The following MALAT1 variants were observed in gnomAD, a reference collection of about 807,000 sequenced individuals.
MALAT1 encodes the protein hepcarcin.
intron 3 of MALAT1, chr11:65,505,049 A>G (rs1371976476): frequency 5.8e-6 from 3 of 518,946 alleles, no homozygotes; most frequent in South Asian, 4.2e-5. Context: ...ATTTACATAC[A>G]AAGTCAGATC....
exon 3 of MALAT1, chr11:65,502,237 C>G (rs773310043): frequency 5.8e-6 from 3 of 518,668 alleles, no homozygotes; most frequent in Non-Finnish European, 1.2e-5. Context: ...ATGGGAAATG[C>G]AAAAGTTGTT....
intron 3 of MALAT1, chr11:65,504,706 C>G (rs529034539): frequency 3.9e-6 from 2 of 518,944 alleles, no homozygotes; most frequent in Non-Finnish European, 7.7e-6. Flanking sequence ...AAGCAACAGT[C>G]TTCAAGAAAT....
chr11:65,499,080 AGG>A (rs770831740), exon 3 of MALAT1: 5 of 518,186 alleles, frequency 9.6e-6, no homozygotes, highest in East Asian at 5.4e-5. Context: ...GCTTCTGCTG[AGG>A]GGGCAGGCGG....
intron 3 of MALAT1, chr11:65,504,815 T>C (rs777069883): frequency 1.9e-6 from 1 of 518,996 alleles, no homozygotes; most frequent in South Asian, 1.4e-5. Context: ...AATTCTTACA[T>C]GCAGGAACAC....
chr11:65,500,751 A>G (rs1565051888), exon 3 of MALAT1: 1 of 519,008 alleles, frequency 1.9e-6, no homozygotes, highest in Non-Finnish European at 3.8e-6. Flanking sequence ...GCCACAGGGA[A>G]AGCGAGTGGT....
exon 3 of MALAT1, chr11:65,500,739 A>G (rs1226938721): frequency 1.2e-5 from 6 of 519,042 alleles, no homozygotes; most frequent in African/African-American, 5.8e-5. Flanking sequence ...CAGTGTGCCA[A>G]GGCCACAGGG....
chr11:65,501,445 CTCT>C, exon 3 of MALAT1: 1 of 514,804 alleles, frequency 1.9e-6, no homozygotes, highest in Non-Finnish European at 3.9e-6. Context: ...CTGGTAGTTA[CTCT>C]TTTTTCCCCC....
intron 1 of MALAT1, chr11:65,498,621 G>A (rs751505532): frequency 5.8e-6 from 3 of 518,692 alleles, no homozygotes; most frequent in South Asian, 1.4e-5. Flanking sequence ...CAAGGCTGGG[G>A]CTCAGTTGCG....
intron 3 of MALAT1, chr11:65,503,924 A>C (rs1854612884): frequency 5.8e-6 from 3 of 516,830 alleles, no homozygotes; most frequent in Admixed American, 2.0e-5. Flanking sequence ...TTATGATCAG[A>C]GTAAAAGGTA....
At chr11:65,499,789 A>G (rs1263482050) in exon 3 of MALAT1, 5 of 422,916 alleles carry the variant, frequency 1.2e-5, no homozygotes, top group African/African-American at 2.1e-5. Flanking sequence ...AGCAGAAGAA[A>G]AAAGACAAGC....
chr11:65,498,512 CA>C (rs550822621), intron 1 of MALAT1: 7 of 515,736 alleles, frequency 1.4e-5, no homozygotes, highest in South Asian at 8.4e-5. Context: ...ATTTCTCGAA[CA>C]AAAAAGCAAA....
chr11:65,504,778 G>T, intron 3 of MALAT1: 1 of 518,872 alleles, frequency 1.9e-6, no homozygotes, highest in South Asian at 1.4e-5. Context: ...TTTATGTGTG[G>T]GTTTCTCTCT....
At chr11:65,500,343 G>T (rs199502340) in exon 3 of MALAT1, 2 of 518,658 alleles carry the variant, frequency 3.9e-6, no homozygotes, top group Non-Finnish European at 7.7e-6. Flanking sequence ...ATTGGACTTT[G>T]AGTTAAGATT....
intron 3 of MALAT1, chr11:65,505,960 A>G (rs1235581714): frequency 2.2e-6 from 1 of 445,674 alleles, no homozygotes; most frequent in Non-Finnish European, 4.3e-6. Flanking sequence ...AGGTGAACAT[A>G]ACAGACTTGG....
At chr11:65,501,725 A>G (rs1251076980) in exon 3 of MALAT1, 2 of 519,060 alleles carry the variant, frequency 3.9e-6, no homozygotes, top group Admixed American at 1.9e-5. Context: ...AAAGTACAGC[A>G]CAGTGCAGCT....
exon 3 of MALAT1, chr11:65,499,049 A>C (rs764181953): frequency 1.9e-6 from 1 of 518,186 alleles, no homozygotes; most frequent in Admixed American, 1.9e-5. Context: ...TGCGGTAGGC[A>C]TTGAGGCAGC....
exon 3 of MALAT1, chr11:65,498,999 C>T: frequency 1.9e-6 from 1 of 518,802 alleles, no homozygotes; most frequent in South Asian, 1.4e-5. Flanking sequence ...TCCGGTGATG[C>T]GAGTTGTTCT....
At chr11:65,498,436 G>A (rs564859905) in intron 1 of MALAT1, 17 of 518,628 alleles carry the variant, frequency 3.3e-5, no homozygotes, top group African/African-American at 2.5e-4. Flanking sequence ...GTGGGATTGA[G>A]GCGTTTTCCA....
exon 3 of MALAT1, chr11:65,501,185 A>C (rs1435707437): frequency 2.1e-6 from 1 of 477,616 alleles, no homozygotes; most frequent in Non-Finnish European, 4.0e-6. Context: ...GTAAATGTAG[A>C]GTTTGGATGT....
Sources: allele counts gnomAD v4.1 joint callset, GRCh38; gene constraint gnomAD v4.1.1; transcripts MANE v1.5; gene names NCBI Gene and HGNC (gene_info 2026-07-23, HGNC 2026-07-21).